Variants in EPHB1 observed in about 807,000 individuals in gnomAD.
The protein encoded by EPHB1 is EPH receptor B1.
EPHB1 carries 30 observed loss-of-function variants against 94.4 expected under a neutral mutation model. That is an observed-to-expected ratio of 0.32 (90% CI 0.24 to 0.43). The LOEUF (loss-of-function observed/expected upper bound fraction) is 0.43, where lower values mean the gene tolerates loss of function less well. Among genes scored for constraint, EPHB1 ranks in the 20% least tolerant of loss-of-function variants. EPHB1 has a pLI of 1.00. For synonymous variants in EPHB1, 522 were observed against 489.1 expected (o/e 1.07, Z -0.89); for missense variants, 1,055 against 1,308.3 (o/e 0.81, Z 2.99).
At chr3:135,102,553 C>T (rs1458466816) in intron 3 of EPHB1, among the ~76,000 whole-genome samples, 3 of 152,226 alleles carry the variant, frequency 2.0e-5, no homozygotes, top group Non-Finnish European at 4.4e-5. Context: ...TAGCCTGGCA[C>T]TTTCACCCTT....
At chr3:134,903,055 G>A (rs1361386055) in intron 1 of EPHB1, among the ~76,000 whole-genome samples, 1 of 152,184 alleles carries the variant, frequency 6.6e-6, no homozygotes. Flanking sequence ...CAGGACACAT[G>A]GTCCTGACTA....
intron 1 of EPHB1, among the ~76,000 whole-genome samples, chr3:134,855,480 C>G (rs1218054266): frequency 6.6e-6 from 1 of 152,104 alleles, no homozygotes; most frequent in Non-Finnish European, 1.5e-5. Flanking sequence ...GTAGACAGAG[C>G]CTTGGGGTAA....
intron 9 of EPHB1, among the ~76,000 whole-genome samples, chr3:135,171,699 A>G (rs904188231): frequency 6.6e-6 from 1 of 152,214 alleles, no homozygotes; most frequent in Non-Finnish European, 1.5e-5. Flanking sequence ...CATTCTTAGT[A>G]TCAGTGATAC....
intron 4 of EPHB1, among the ~76,000 whole-genome samples, chr3:135,119,732 G>A (rs951129276): frequency 1.4e-4 from 21 of 152,266 alleles, no homozygotes; most frequent in Non-Finnish European, 1.8e-4. Flanking sequence ...AGTTACAGGC[G>A]TGAGCCACCA....
chr3:135,255,610 A>C (rs1286888810), intron 15 of EPHB1, among the ~76,000 whole-genome samples: 9 of 148,952 alleles, frequency 6.0e-5, no homozygotes, highest in Non-Finnish European at 8.9e-5. Flanking sequence ...GTTCTTTTAC[A>C]TTTGCTGAGG....
intron 3 of EPHB1, among the ~76,000 whole-genome samples, chr3:135,021,175 G>T (rs1292238010): frequency 6.6e-6 from 1 of 152,052 alleles, no homozygotes; most frequent in Non-Finnish European, 1.5e-5. Flanking sequence ...TTTACCAGAA[G>T]ATCTTAGAAT....
chr3:135,227,187 A>C (rs1576483145), intron 12 of EPHB1, among the ~76,000 whole-genome samples: 1 of 152,254 alleles, frequency 6.6e-6, no homozygotes, highest in African/African-American at 2.4e-5. Flanking sequence ...AAAACATCAA[A>C]AAATAAAAAT....
chr3:134,913,424 A>T (rs1160825232), intron 1 of EPHB1, among the ~76,000 whole-genome samples: 1 of 152,190 alleles, frequency 6.6e-6, no homozygotes, highest in Non-Finnish European at 1.5e-5. Flanking sequence ...CACATCAGGG[A>T]GATGAGCAGC....
In EPHB1 at chr3:134,925,892, AC is replaced by A; in HGVS notation, c.123+14del. ...ATCCTGCGTCCGGGGTGAGTATCAA[AC>A]CATTCGTCTTTCAGTCCTGCTATGA... On this transcript the variant is annotated intron_variant, in intron 2 of 15. Transcript: ENST00000398015. 1 of 1,593,662 alleles carries A rather than the reference AC, an allele frequency of 6.3e-7. No homozygotes were observed. Among genetic ancestry groups the A allele is most frequent in the Admixed American group, 1.7e-5 (1 of 57,648 alleles).
intron 1 of EPHB1, among the ~76,000 whole-genome samples, chr3:134,851,728 G>T (rs1372707140): frequency 1.3e-5 from 2 of 152,146 alleles, no homozygotes. Context: ...TTCACATGTT[G>T]TCTTGTAAAA....
rs370809660 is a variant in EPHB1 at position 135,000,610 on chromosome 3, T to C, written c.805+48558T>C. ...TAGAACTCAATTCCTAGTACTACTC[T>C]CCAGAGTACTTGAACCGTGTCCTGG... On this transcript the variant is annotated intron_variant, in intron 3 of 15. Coordinates refer to ENST00000398015, the MANE Select transcript of EPHB1 (RefSeq NM_004441.5). 3.9e-5 allele frequency among the ~76,000 whole-genome samples: 6 copies of C among 152,312 alleles called. No individual in the cohort carries two copies. In the East Asian group the frequency reaches 7.7e-4, roughly 20 times the overall value.
chr3:134,926,421 T>C (rs1008581415), intron 2 of EPHB1, among the ~76,000 whole-genome samples: 1 of 151,662 alleles, frequency 6.6e-6, no homozygotes, highest in African/African-American at 2.4e-5. Flanking sequence ...GGGCACAGAG[T>C]TGGGAATGAG....
intron 11 of EPHB1, 97 bp from the exon 12 acceptor site, chr3:135,201,377 A>C: frequency 2.4e-6 from 3 of 1,245,374 alleles, no homozygotes; most frequent in South Asian, 2.6e-5. Flanking sequence ...GGCCTGGAGC[A>C]GACAGAAGCT....
intron 3 of EPHB1, among the ~76,000 whole-genome samples, chr3:135,099,306 TGGATGGATGGATGGACGGATGGATGGAC>T (rs1938939269): frequency 1.8e-5 from 2 of 111,024 alleles, no homozygotes; most frequent in South Asian, 7.4e-4. Flanking sequence ...ATTGGATGGA[TGGATGGATGGATGGACGGATGGATGGAC>T]GGATGGATGG....
intron 3 of EPHB1, among the ~76,000 whole-genome samples, chr3:135,039,527 G>T (rs1239267787): frequency 6.6e-6 from 1 of 152,246 alleles, no homozygotes; most frequent in African/African-American, 2.4e-5. Context: ...CCACGGAGTG[G>T]GTGGGAGGCT....
intron 4 of EPHB1, among the ~76,000 whole-genome samples, chr3:135,125,073 GT>G (rs34038563): frequency 2.0e-5 from 3 of 151,636 alleles, no homozygotes; most frequent in Non-Finnish European, 4.4e-5. Context: ...TGCTTGGTCT[GT>G]TTTTTTCTGA....
At chr3:135,098,761 C>T (rs750038288) in intron 3 of EPHB1, among the ~76,000 whole-genome samples, 1 of 151,934 alleles carries the variant, frequency 6.6e-6, no homozygotes, top group Admixed American at 6.6e-5. Context: ...CCAGTAATCC[C>T]AACACTTTGG....
intron 1 of EPHB1, among the ~76,000 whole-genome samples, chr3:134,879,067 A>G (rs1358571092): frequency 6.6e-6 from 1 of 152,206 alleles, no homozygotes; most frequent in Non-Finnish European, 1.5e-5. Flanking sequence ...TCTGGTGCAC[A>G]GTAAAATCAC....
At chr3:135,248,211 C>A (rs763344311) in intron 13 of EPHB1, 105 bp from the exon 14 acceptor site, 5 of 1,133,604 alleles carry the variant, frequency 4.4e-6, no homozygotes, top group Non-Finnish European at 6.1e-6. Flanking sequence ...GCAAGGGCAT[C>A]TGAGACAGCC....
Sources: gnomAD v4.1 joint callset for allele counts (sites outside exome capture counted in the v4.1 genomes callset) on GRCh38, gnomAD v4.1.1 for gene constraint, MANE v1.5 for transcripts, NCBI Gene and HGNC (gene_info 2026-07-23, HGNC 2026-07-21) for gene names.